Variants in PREX2 observed in about 807,000 individuals in gnomAD.
PREX2 encodes phosphatidylinositol-3,4,5-trisphosphate dependent Rac exchange factor 2, also known as phosphatidylinositol 3,4,5-trisphosphate-dependent Rac exchanger 2 protein.
PREX2 carries 107 observed loss-of-function variants against 203.2 expected under a neutral mutation model. The observed-to-expected ratio is 0.53, with a 90% CI of 0.45 to 0.62. The LOEUF is 0.62. PREX2 is among the 20% of genes least tolerant of loss of function. PREX2 has a pLI of 0.00. For synonymous variants in PREX2, 672 were observed against 663.6 expected (o/e 1.01, Z -0.19); for missense variants, 1,777 against 1,955.9 (o/e 0.91, Z 1.72).
intron 35 of PREX2, among the ~76,000 whole-genome samples, chr8:68,161,726 A>G (rs1403518471): frequency 2.6e-5 from 4 of 152,044 alleles, no homozygotes; most frequent in African/African-American, 9.7e-5. Context: ...TATCTTTTCA[A>G]CTTTCTTTAC....
intron 32 of PREX2, among the ~76,000 whole-genome samples, chr8:68,135,155 A>C (rs1811090884): frequency 6.8e-6 from 1 of 147,428 alleles, no homozygotes; most frequent in African/African-American, 2.5e-5. Flanking sequence ...CCTACTTTTT[A>C]ACACATGGTA....
At chr8:68,211,410 A>G (rs907602211) in intron 37 of PREX2, among the ~76,000 whole-genome samples, 6 of 152,234 alleles carry the variant, frequency 3.9e-5, no homozygotes, top group Admixed American at 2.0e-4. Context: ...TAGTTGAAAT[A>G]TGATGAGATC....
intron 11 of PREX2, among the ~76,000 whole-genome samples, chr8:68,068,285 T>C (rs1345089950): frequency 6.6e-6 from 1 of 152,012 alleles, no homozygotes; most frequent in Non-Finnish European, 1.5e-5. Flanking sequence ...TCTTTAAATA[T>C]TTGGTAGAAT....
intron 39 of PREX2, among the ~76,000 whole-genome samples, chr8:68,226,841 G>A (rs967176032): frequency 2.0e-5 from 3 of 152,204 alleles, no homozygotes; most frequent in Non-Finnish European, 4.4e-5. Context: ...TGCAGCCTAA[G>A]GACAGAGAGA....
At chr8:68,010,140 C>T (rs1280863910) in intron 1 of PREX2, among the ~76,000 whole-genome samples, 2 of 152,190 alleles carry the variant, frequency 1.3e-5, no homozygotes, top group African/African-American at 4.8e-5. Context: ...CTTTGTGAAT[C>T]TCCAAATTTC....
chr8:67,990,688 T>A (rs1806572904), intron 1 of PREX2, among the ~76,000 whole-genome samples: 1 of 151,758 alleles, frequency 6.6e-6, no homozygotes, highest in Admixed American at 6.6e-5. Context: ...TTTTATAGTA[T>A]TTTTAGTAGA....
intron 35 of PREX2, among the ~76,000 whole-genome samples, chr8:68,164,547 G>C (rs537055853): frequency 6.6e-6 from 1 of 150,744 alleles, no homozygotes; most frequent in East Asian, 1.9e-4. Flanking sequence ...AAAAACAGCT[G>C]GTGATCTGGC....
rs1812299925 is a variant in PREX2, at chr8:68,191,799, A to G, written c.4413+11A>G. 1 of 1,552,870 alleles carries G rather than the reference A, an allele frequency of 6.4e-7. No individual in the cohort carries two copies. ...GCCTATGTAGATAAGGTAAAAACAG[A>G]TGATTATATTTATTGGTGCTTTTTA... On this transcript the variant is annotated intron_variant, in intron 36 of 39. Coordinates refer to ENST00000288368, the MANE Select transcript of PREX2 (RefSeq NM_024870.4).
intron 1 of PREX2, among the ~76,000 whole-genome samples, chr8:68,003,842 CTT>C (rs148890144): frequency 2.2e-5 from 2 of 90,632 alleles, no homozygotes; most frequent in Admixed American, 1.3e-4. Context: ...CTGGCCTGAC[CTT>C]TTTTTTTTTT....
intron 21 of PREX2, chr8:68,095,145 A>T (rs773897281): frequency 6.6e-6 from 1 of 152,156 alleles, no homozygotes; most frequent in Non-Finnish European, 1.5e-5. Context: ...GTGTTCACTC[A>T]CTCAGAAGCT....
At chr8:68,026,340 C>A (rs1045214975) in intron 4 of PREX2, among the ~76,000 whole-genome samples, 10 of 143,452 alleles carry the variant, frequency 7.0e-5, no homozygotes, top group African/African-American at 2.7e-4. Flanking sequence ...GAACCTGAAA[C>A]AGTATTTTAA....
intron 30 of PREX2, among the ~76,000 whole-genome samples, chr8:68,125,816 A>G (rs1385176231): frequency 6.6e-6 from 1 of 152,086 alleles, no homozygotes; most frequent in East Asian, 1.9e-4. Context: ...TTGTCCCAAT[A>G]TTCTAAAGAG....
intron 1 of PREX2, among the ~76,000 whole-genome samples, chr8:67,980,800 A>T (rs1041111400): frequency 3.9e-5 from 6 of 152,248 alleles, no homozygotes; most frequent in Non-Finnish European, 7.4e-5. Context: ...GTGAAGAAGG[A>T]CCTGTTTGCT....
chr8:67,955,147 C>CAAAAAAAAAAAAAAAA (rs1183491822), intron 1 of PREX2, among the ~76,000 whole-genome samples: 1 of 51,908 alleles, frequency 1.9e-5, no homozygotes. Flanking sequence ...GACTCCATCT[C>CAAAAAAAAAAAAAAAA]AAAAAAAAAA....
rs367908867 is a variant in PREX2 at position 68,097,111 on chromosome 8, C to T, written c.2463C>T (p.Val821=). Residue 821 remains valine, a synonymous_variant, in exon 22 of 40, where the codon GTC becomes GTT. Transcript: ENST00000288368. ...TVDNVHLEYG[V]VYEYDSTAGI... ...ACAATGTCCACCTGGAATATGGTGT[C>T]GTGTATGAGTACGACAGCACAGCTG... The T allele has an allele frequency of 1.3e-5, 21 of 1,613,718 alleles. No homozygotes were observed. The highest frequency in any genetic ancestry group is 3.3e-5 in the Admixed American group (2 of 59,968).
At chr8:68,190,240 C>G (rs78173003) in intron 35 of PREX2, among the ~76,000 whole-genome samples, 5,797 of 152,194 alleles carry the variant, frequency 0.038, 160 homozygotes, top group Non-Finnish European at 0.063. Context: ...ACAACTCACT[C>G]TAATATCATG....
chr8:68,005,905 T>G (rs1297394358), intron 1 of PREX2, among the ~76,000 whole-genome samples: 2 of 152,208 alleles, frequency 1.3e-5, no homozygotes, highest in Non-Finnish European at 2.9e-5. Context: ...GACTGTCTCA[T>G]GCAATAAGGA....
intron 1 of PREX2, among the ~76,000 whole-genome samples, chr8:67,978,199 C>A (rs1013402097): frequency 2.6e-5 from 4 of 152,038 alleles, no homozygotes; most frequent in Admixed American, 6.5e-5. Flanking sequence ...AAATCTCCCC[C>A]CTCCTCTCCC....
intron 33 of PREX2, among the ~76,000 whole-genome samples, chr8:68,139,211 G>A (rs1811171633): frequency 6.6e-6 from 1 of 152,158 alleles, no homozygotes; most frequent in African/African-American, 2.4e-5. Context: ...GAGAGCAAAG[G>A]ATACCAATGA....
Sources: allele counts gnomAD v4.1 joint callset (sites outside exome capture counted in the v4.1 genomes callset), GRCh38; gene constraint gnomAD v4.1.1; transcripts MANE v1.5; gene names NCBI Gene and HGNC (gene_info 2026-07-23, HGNC 2026-07-21).